Variants in PODXL observed in about 807,000 individuals in gnomAD.
The protein encoded by PODXL is podocalyxin like, also known as podocalyxin.
In PODXL, 20 loss-of-function variants were observed where a neutral mutation model predicts 48.9. The ratio of observed to expected loss-of-function variants is 0.41; its 90% CI spans 0.29 to 0.59. PODXL has a LOEUF of 0.59. PODXL is among the 20% of genes least tolerant of loss of function. The probability of loss-of-function intolerance (pLI) is 0.31; values close to 1 mark genes in which losing one functional copy is unlikely to be tolerated. For synonymous variants in PODXL, 295 were observed against 287.4 expected (o/e 1.03, Z -0.27); for missense variants, 606 against 675.1 (o/e 0.90, Z 1.13).
At position 131,544,053 on chromosome 7, in the gene PODXL, C is replaced by T. The variant is rs575619203; in HGVS notation, c.100+12207G>A. Among the ~76,000 whole-genome samples, 4 of 152,352 alleles carry T rather than the reference C, an allele frequency of 2.6e-5. No homozygotes were observed. The South Asian group carries it at 8.3e-4, about 32-fold the overall frequency. On this transcript the variant is annotated intron_variant, in intron 1 of 8. Coordinates refer to ENST00000378555, the MANE Select transcript of PODXL (RefSeq NM_001018111.3). ...CCTGAGAGCCACTGGGCCAGCTCCT[C>T]ATTCACAGATGAGGAAACTGAGGCC...
At chr7:131,520,328 AC>A in intron 1 of PODXL, 1 of 529,882 alleles carries the variant, frequency 1.9e-6, no homozygotes, top group East Asian at 5.0e-5. Context: ...GCGCATTGAT[AC>A]CAGGCTCATC....
rs1797872579 is a variant in PODXL, at chr7:131,509,474, A to G, written c.914T>C (p.Leu305Ser). ...TVQPTSPATA[L>S]RTPTLPETMS... ...GGTCTCTGGCAGGGTAGGTGTTCTC[A>G]ATGCCGTTGCCGGGCTCGTGGGCTG... is the stretch of plus-strand genomic sequence containing the variant. The change falls in exon 4 of 9, where the codon TTG becomes TCG. Residue 305 changes from leucine to serine, a missense_variant. Coordinates refer to ENST00000378555, the MANE Select transcript of PODXL (RefSeq NM_001018111.3). 3.1e-6 allele frequency: 5 copies of G among 1,613,700 alleles called. No individual in the cohort carries two copies. Among genetic ancestry groups the G allele is most frequent in the Non-Finnish European group, 4.2e-6 (5 of 1,179,836 alleles).
At chr7:131,537,312 T>TAA (rs35657411) in intron 1 of PODXL, among the ~76,000 whole-genome samples, 91 of 145,026 alleles carry the variant, frequency 6.3e-4, no homozygotes, top group Middle Eastern at 3.6e-3. Flanking sequence ...CCTGTTTTTT[T>TAA]AAAAAAAAAA....
At chr7:131,513,019 A>T (rs1011316273) in intron 1 of PODXL, among the ~76,000 whole-genome samples, 2 of 149,178 alleles carry the variant, frequency 1.3e-5, no homozygotes, top group East Asian at 3.9e-4. Flanking sequence ...AAAAAATCAC[A>T]TCCTACGCAG....
chr7:131,536,070 G>GT (rs1798369864), intron 1 of PODXL, among the ~76,000 whole-genome samples: 1 of 152,150 alleles, frequency 6.6e-6, no homozygotes, highest in Admixed American at 6.5e-5. Flanking sequence ...AGAGGACTAT[G>GT]TTTTTTAACC....
At chr7:131,534,749 A>C (rs1336414142) in intron 1 of PODXL, among the ~76,000 whole-genome samples, 1 of 152,290 alleles carries the variant, frequency 6.6e-6, no homozygotes, top group East Asian at 1.9e-4. Context: ...AATGTATTAA[A>C]AGATATTTTA....
intron 1 of PODXL, among the ~76,000 whole-genome samples, chr7:131,555,101 C>T (rs1465148841): frequency 6.6e-6 from 1 of 152,156 alleles, no homozygotes; most frequent in African/African-American, 2.4e-5. Flanking sequence ...AGGTTTCCTG[C>T]GGTGCAGAGG....
intron 1 of PODXL, among the ~76,000 whole-genome samples, chr7:131,518,517 G>A (rs951983225): frequency 6.6e-6 from 1 of 152,254 alleles, no homozygotes; most frequent in Admixed American, 6.5e-5. Flanking sequence ...AGTGTTTAAG[G>A]ATGCTGTCCG....
intron 1 of PODXL, among the ~76,000 whole-genome samples, chr7:131,542,442 G>A (rs1562917030): frequency 6.6e-6 from 1 of 152,156 alleles, no homozygotes; most frequent in Non-Finnish European, 1.5e-5. Flanking sequence ...GATCACTTGA[G>A]CCCAGGAGTT....
chr7:131,506,832 G>A (rs1180023753), intron 5 of PODXL, 106 bp from the exon 6 acceptor site: 2 of 1,239,862 alleles, frequency 1.6e-6, no homozygotes, highest in South Asian at 1.3e-5. Context: ...TGCTGTGCTA[G>A]AACCTGCCTC....
chr7:131,548,097 T>C (rs1208858136), intron 1 of PODXL, among the ~76,000 whole-genome samples: 1 of 152,208 alleles, frequency 6.6e-6, no homozygotes, highest in Non-Finnish European at 1.5e-5. Flanking sequence ...TCTTTGTGCA[T>C]TACCAGAAAC....
chr7:131,514,032 C>G (rs1204934432), intron 1 of PODXL, among the ~76,000 whole-genome samples: 1 of 152,196 alleles, frequency 6.6e-6, no homozygotes, highest in African/African-American at 2.4e-5. Flanking sequence ...ATTATCACCT[C>G]TAATCTAGAG....
intron 1 of PODXL, among the ~76,000 whole-genome samples, chr7:131,515,032 T>C (rs1360181161): frequency 6.6e-6 from 1 of 152,210 alleles, no homozygotes; most frequent in African/African-American, 2.4e-5. Context: ...ATACGCAGAA[T>C]GCTGAGCAGC....
chr7:131,532,511 T>C (rs905350652), intron 1 of PODXL, among the ~76,000 whole-genome samples: 13 of 47,230 alleles, frequency 2.8e-4, no homozygotes, highest in African/African-American at 6.4e-4. Flanking sequence ...TTGTATATCT[T>C]TTTTTTGGAG....
intron 1 of PODXL, among the ~76,000 whole-genome samples, chr7:131,521,810 GC>G (rs973691462): frequency 3.3e-5 from 5 of 152,166 alleles, no homozygotes; most frequent in Non-Finnish European, 7.3e-5. Flanking sequence ...GGTGGGGCTG[GC>G]TGGGGAAAGA....
chr7:131,533,482 G>A (rs1178860972), intron 1 of PODXL, among the ~76,000 whole-genome samples: 2 of 152,168 alleles, frequency 1.3e-5, no homozygotes, highest in Admixed American at 6.5e-5. Context: ...GGTGGGGCCC[G>A]TCTGCCTGCT....
intron 8 of PODXL, among the ~76,000 whole-genome samples, chr7:131,505,009 A>C (rs995465785): frequency 2.6e-5 from 4 of 152,162 alleles, no homozygotes; most frequent in Non-Finnish European, 5.9e-5. Context: ...CCTTGAGTGT[A>C]TGCTAGAATC....
intron 1 of PODXL, among the ~76,000 whole-genome samples, chr7:131,525,426 CAAAAAAAAAAA>C (rs57927217): frequency 3.2e-4 from 19 of 59,250 alleles, no homozygotes; most frequent in African/African-American, 6.8e-4. Context: ...TCATCTCTAC[CAAAAAAAAAAA>C]AAAAAAAAAA....
intron 5 of PODXL, 60 bp from the exon 6 acceptor site, chr7:131,506,786 G>A (rs1338818633): frequency 6.6e-6 from 10 of 1,519,922 alleles, no homozygotes; most frequent in Non-Finnish European, 8.8e-6. Flanking sequence ...TAGGCCTGTG[G>A]GGCTGCCCTC....
Sources: gnomAD v4.1 joint callset for allele counts (sites outside exome capture counted in the v4.1 genomes callset) on GRCh38, gnomAD v4.1.1 for gene constraint, MANE v1.5 for transcripts, NCBI Gene and HGNC (gene_info 2026-07-23, HGNC 2026-07-21) for gene names.